The following PIP5K1B variants were observed in gnomAD, a reference collection of about 807,000 sequenced individuals.
The protein encoded by PIP5K1B is phosphatidylinositol-4-phosphate 5-kinase type 1 beta.
A neutral mutation model predicts 67.0 loss-of-function variants in PIP5K1B; 42 were observed. The ratio of observed to expected loss-of-function variants is 0.63; its 90% confidence interval spans 0.49 to 0.81. PIP5K1B has a LOEUF of 0.81. Among genes scored for constraint, PIP5K1B ranks in the 30% least tolerant of loss-of-function variants. PIP5K1B has a pLI of 0.00. For missense variants in PIP5K1B, 459 were observed against 646.3 expected (o/e 0.71, Z 3.14); for synonymous variants, 214 against 231.4 (o/e 0.92, Z 0.68).
chr9:68,962,238 G>A (rs1278298455), intron 14 of PIP5K1B, among the ~76,000 whole-genome samples: 2 of 150,300 alleles, frequency 1.3e-5, no homozygotes, highest in Non-Finnish European at 1.5e-5. Flanking sequence ...ACATTTCCTT[G>A]TACACAGAAT....
chr9:68,814,004 A>G lies in PIP5K1B; in HGVS notation c.-85-4457A>G, dbSNP rs532313655. Among the ~76,000 whole-genome samples the G allele has an allele frequency of 3.3e-5, 5 of 152,166 alleles. No individual in the cohort carries two copies. In the East Asian group the frequency reaches 9.6e-4, roughly 29 times the overall value. On this transcript the variant is annotated intron_variant, in intron 2 of 15. Transcript: ENST00000265382. ...ATAAAACCTGTAAAAAGATGAGGGA[A>G]GGCGCACAAAATGAAAGTCCCACGC...
intron 15 of PIP5K1B, among the ~76,000 whole-genome samples, chr9:69,007,710 A>C (rs1389303525): frequency 6.6e-6 from 1 of 152,158 alleles, no homozygotes; most frequent in Non-Finnish European, 1.5e-5. Context: ...ACAAAAAATT[A>C]GCCAGGCGTG....
At chr9:68,988,302 A>G (rs867278566) in intron 14 of PIP5K1B, among the ~76,000 whole-genome samples, 36 of 151,452 alleles carry the variant, frequency 2.4e-4, no homozygotes, top group African/African-American at 8.5e-4. Context: ...CTTCCGGAAT[A>G]TTCTTTTATA....
intron 8 of PIP5K1B, among the ~76,000 whole-genome samples, chr9:68,898,776 G>A (rs146490907): frequency 5.3e-5 from 8 of 152,264 alleles, no homozygotes; most frequent in Admixed American, 5.2e-4. Context: ...AATAACTCAT[G>A]GCTCTGCCCC....
chr9:68,765,261 C>T (rs555668897), intron 2 of PIP5K1B, among the ~76,000 whole-genome samples: 2 of 152,138 alleles, frequency 1.3e-5, no homozygotes, highest in South Asian at 4.1e-4. Flanking sequence ...TGAAACAAAA[C>T]TTGCCACTAG....
chr9:68,895,368 C>T (rs914760973), intron 8 of PIP5K1B, among the ~76,000 whole-genome samples: 32 of 151,530 alleles, frequency 2.1e-4, no homozygotes, highest in Admixed American at 1.9e-3. Context: ...CTAATAACTT[C>T]TGAAGGATAA....
intron 4 of PIP5K1B, among the ~76,000 whole-genome samples, chr9:68,841,663 A>G (rs1821929834): frequency 6.6e-6 from 1 of 152,252 alleles, no homozygotes; most frequent in Admixed American, 6.5e-5. Flanking sequence ...AAAAAGGAAT[A>G]AAAGTCATCA....
intron 2 of PIP5K1B, among the ~76,000 whole-genome samples, chr9:68,810,728 C>T (rs1275826955): frequency 6.6e-6 from 1 of 152,154 alleles, no homozygotes; most frequent in African/African-American, 2.4e-5. Context: ...CTTTCGGTAA[C>T]TATAGAGTTT....
chr9:68,924,688 A>G (rs919939705), intron 12 of PIP5K1B, among the ~76,000 whole-genome samples: 1 of 152,174 alleles, frequency 6.6e-6, no homozygotes, highest in African/African-American at 2.4e-5. Context: ...GTCCAATTTC[A>G]TAAACTAAAA....
chr9:68,774,273 C>A (rs1303959028), intron 2 of PIP5K1B, among the ~76,000 whole-genome samples: 4 of 152,148 alleles, frequency 2.6e-5, no homozygotes, highest in African/African-American at 9.7e-5. Context: ...CTGGAGTCTA[C>A]TGGTGTTTAG....
chr9:68,735,900 G>A (rs1828714038), intron 1 of PIP5K1B, among the ~76,000 whole-genome samples: 1 of 152,208 alleles, frequency 6.6e-6, no homozygotes, highest in Non-Finnish European at 1.5e-5. Flanking sequence ...AGTATTTCAG[G>A]CAGAGGGAGC....
intron 15 of PIP5K1B, among the ~76,000 whole-genome samples, chr9:68,995,612 C>T (rs1057280322): frequency 1.3e-5 from 2 of 152,026 alleles, no homozygotes; most frequent in African/African-American, 4.8e-5. Flanking sequence ...TCGAGACCAG[C>T]CTGACCAACA....
intron 4 of PIP5K1B, among the ~76,000 whole-genome samples, chr9:68,826,976 T>C (rs1364792049): frequency 1.3e-5 from 2 of 152,172 alleles, no homozygotes; most frequent in Non-Finnish European, 2.9e-5. Context: ...GATCTCGAAC[T>C]CCTGAGCTCA....
chr9:69,001,308 G>A (rs908204795), intron 15 of PIP5K1B, among the ~76,000 whole-genome samples: 2 of 151,980 alleles, frequency 1.3e-5, no homozygotes, highest in Non-Finnish European at 2.9e-5. Flanking sequence ...TTGTCCTCAG[G>A]CAGTGCTCCT....
intron 14 of PIP5K1B, among the ~76,000 whole-genome samples, chr9:68,946,934 T>C (rs1298665932): frequency 6.6e-6 from 1 of 152,212 alleles, no homozygotes; most frequent in Non-Finnish European, 1.5e-5. Context: ...CCAGAGTTGT[T>C]ATAAAGATTA....
At chr9:68,885,214 A>G (rs762070325) in intron 6 of PIP5K1B, among the ~76,000 whole-genome samples, 1 of 152,242 alleles carries the variant, frequency 6.6e-6, no homozygotes, top group Non-Finnish European at 1.5e-5. Context: ...GCACAGAAAG[A>G]TAAATATCAC....
At chr9:68,861,460 C>A (rs1403362002) in intron 4 of PIP5K1B, among the ~76,000 whole-genome samples, 1 of 152,150 alleles carries the variant, frequency 6.6e-6, no homozygotes, top group Non-Finnish European at 1.5e-5. Flanking sequence ...CCTTCTGTTG[C>A]CAGGGTGGAG....
At chr9:68,883,700 G>GT (rs1207630903) in intron 6 of PIP5K1B, among the ~76,000 whole-genome samples, 3 of 151,940 alleles carry the variant, frequency 2.0e-5, no homozygotes, top group Non-Finnish European at 4.4e-5. Flanking sequence ...TAGCCTTGAT[G>GT]TTTTTTCAGA....
intron 1 of PIP5K1B, among the ~76,000 whole-genome samples, chr9:68,723,559 G>A (rs1021227719): frequency 3.3e-5 from 5 of 151,698 alleles, no homozygotes; most frequent in African/African-American, 9.7e-5. Context: ...ATGTTATCCC[G>A]TTGTGGTTTT....
Sources: gnomAD v4.1 joint callset for allele counts (sites outside exome capture counted in the v4.1 genomes callset) on GRCh38, gnomAD v4.1.1 for gene constraint, MANE v1.5 for transcripts, NCBI Gene and HGNC (gene_info 2026-07-23, HGNC 2026-07-21) for gene names.